LRRC69: variants seen among roughly 807,000 people sequenced by gnomAD.
LRRC69 encodes leucine rich repeat containing 69.
In LRRC69, 42 loss-of-function variants were observed where a neutral mutation model predicts 37.8. That is an observed-to-expected ratio of 1.11 (90% CI 0.87 to 1.44). The LOEUF (loss-of-function observed/expected upper bound fraction) is 1.44. Among genes scored for constraint, LRRC69 ranks in the 40% most tolerant of loss-of-function variants. The probability of loss-of-function intolerance (pLI) is 0.00; values close to 1 mark genes in which losing one functional copy is unlikely to be tolerated. For synonymous variants in LRRC69, 141 were observed against 143.1 expected (o/e 0.99, Z 0.11); for missense variants, 357 against 401.9 (o/e 0.89, Z 0.96).
exon 5 of LRRC69, chr8:91,135,673 T>C (rs1165095150): frequency 4.8e-6 from 7 of 1,465,942 alleles, no homozygotes; most frequent in South Asian, 1.4e-5. Flanking sequence ...CACAGGAACT[T>C]TGTGATCTTA....
intron 7 of LRRC69, among the ~76,000 whole-genome samples, chr8:91,210,096 G>A (rs563068640): frequency 3.3e-5 from 5 of 152,254 alleles, no homozygotes; most frequent in Admixed American, 2.6e-4. Context: ...CTTTGGTGGA[G>A]GCTAAAAGGT....
intron 5 of LRRC69, among the ~76,000 whole-genome samples, chr8:91,147,536 T>G (rs1248669955): frequency 6.6e-6 from 1 of 151,472 alleles, no homozygotes; most frequent in Non-Finnish European, 1.5e-5. Flanking sequence ...TCCTGAGTAG[T>G]TGGGACTGCA....
At chr8:91,137,222 C>T (rs1285528219) in intron 5 of LRRC69, among the ~76,000 whole-genome samples, 1 of 151,984 alleles carries the variant, frequency 6.6e-6, no homozygotes, top group East Asian at 1.9e-4. Flanking sequence ...TATTTACCCT[C>T]TGTGTCTTAA....
At chr8:91,191,852 TTTA>T (rs1161054437) in intron 6 of LRRC69, among the ~76,000 whole-genome samples, 1 of 152,166 alleles carries the variant, frequency 6.6e-6, no homozygotes, top group Non-Finnish European at 1.5e-5. Context: ...TTTTTTTTCT[TTTA>T]TTATTATACT....
chr8:91,121,093 A>G (rs1813611140), intron 1 of LRRC69, among the ~76,000 whole-genome samples: 1 of 151,926 alleles, frequency 6.6e-6, no homozygotes, highest in South Asian at 2.1e-4. Flanking sequence ...TACATCATAC[A>G]ACATTCTGGC....
At chr8:91,106,367 C>G (rs1263957886) in intron 1 of LRRC69, among the ~76,000 whole-genome samples, 2 of 151,986 alleles carry the variant, frequency 1.3e-5, no homozygotes, top group African/African-American at 2.4e-5. Flanking sequence ...ATATTTCCCA[C>G]AGAATGCAAA....
At chr8:91,150,299 T>A (rs1808708876) in intron 5 of LRRC69, among the ~76,000 whole-genome samples, 1 of 152,008 alleles carries the variant, frequency 6.6e-6, no homozygotes. Flanking sequence ...CATGAAGCGT[T>A]GTTGAATTTT....
At chr8:91,123,839 T>C (rs1813671714) in intron 1 of LRRC69, among the ~76,000 whole-genome samples, 1 of 152,044 alleles carries the variant, frequency 6.6e-6, no homozygotes, top group Non-Finnish European at 1.5e-5. Flanking sequence ...AGGAACTTTT[T>C]AACTCCCGTT....
intron 5 of LRRC69, among the ~76,000 whole-genome samples, chr8:91,141,536 C>T (rs1808533457): frequency 6.6e-6 from 1 of 152,086 alleles, no homozygotes; most frequent in South Asian, 2.1e-4. Flanking sequence ...GTTTATATGA[C>T]TTTCCAATTC....
chr8:91,218,240 A>T (rs1810090692), intron 7 of LRRC69, among the ~76,000 whole-genome samples: 1 of 152,178 alleles, frequency 6.6e-6, no homozygotes, highest in African/African-American at 2.4e-5. Context: ...ATTTCAGGAC[A>T]TGATTATAAA....
At chr8:91,167,610 A>G (rs918691920) in intron 5 of LRRC69, among the ~76,000 whole-genome samples, 5 of 152,002 alleles carry the variant, frequency 3.3e-5, no homozygotes, top group African/African-American at 7.2e-5. Context: ...GTTTAACACA[A>G]TCAGCTCCCT....
intron 3 of LRRC69, chr8:91,130,264 TTTTTTGTTTTTG>T (rs893425260): frequency 6.6e-6 from 1 of 151,918 alleles, no homozygotes; most frequent in Non-Finnish European, 1.5e-5. Flanking sequence ...CATTGGTTTG[TTTTTTGTTTTTG>T]TTTTTGTTTT....
At chr8:91,137,989 T>C (rs565776062) in intron 5 of LRRC69, among the ~76,000 whole-genome samples, 3 of 152,032 alleles carry the variant, frequency 2.0e-5, no homozygotes, top group African/African-American at 4.8e-5. Flanking sequence ...ATTTAAAGCA[T>C]TAATTTCCTA....
chr8:91,163,217 C>T (rs1215588074), intron 5 of LRRC69, among the ~76,000 whole-genome samples: 1 of 151,326 alleles, frequency 6.6e-6, no homozygotes, highest in Non-Finnish European at 1.5e-5. Context: ...TGGCACTTAC[C>T]ACTGTAATAA....
At chr8:91,140,090 TC>T (rs1188954056) in intron 5 of LRRC69, among the ~76,000 whole-genome samples, 6 of 63,036 alleles carry the variant, frequency 9.5e-5, no homozygotes, top group African/African-American at 2.0e-4. Context: ...AAACTCCGTC[TC>T]AAAAAAAAAA....
chr8:91,189,639 A>G lies in LRRC69; in HGVS notation c.753+16A>G. On this transcript the variant is annotated intron_variant, in intron 6 of 7. Transcript: ENST00000448384. ...GAGTCTACAGGTGAAGACTTACCTC[A>G]TTAACTTAAGTCTTCAAACTAAAGC... is the stretch of plus-strand genomic sequence containing the variant. 6.8e-7 allele frequency: 1 copy of G among 1,472,706 alleles called. No individual in the cohort carries two copies. The highest frequency in any genetic ancestry group is 2.5e-5 in the East Asian group (1 of 40,520). 91.2% of individuals were successfully genotyped at this position (1,472,706 alleles called of 1,614,324 possible).
At chr8:91,186,832 A>T (rs546444191) in intron 5 of LRRC69, among the ~76,000 whole-genome samples, 1 of 152,104 alleles carries the variant, frequency 6.6e-6, no homozygotes. Context: ...GGGATGGAGG[A>T]TGGAAAGAGA....
chr8:91,107,601 A>G (rs961257649), intron 1 of LRRC69, among the ~76,000 whole-genome samples: 1 of 152,066 alleles, frequency 6.6e-6, no homozygotes, highest in Admixed American at 6.6e-5. Flanking sequence ...AGCTTTAAAT[A>G]CAGTTTAGCT....
At chr8:91,112,555 C>T (rs1813426426) in intron 1 of LRRC69, among the ~76,000 whole-genome samples, 1 of 152,036 alleles carries the variant, frequency 6.6e-6, no homozygotes. Context: ...GATTAAAGCT[C>T]TCAACAAAAT....
Sources: gnomAD v4.1 joint callset for allele counts (sites outside exome capture counted in the v4.1 genomes callset) on GRCh38, gnomAD v4.1.1 for gene constraint, MANE v1.5 for transcripts, NCBI Gene and HGNC (gene_info 2026-07-23, HGNC 2026-07-21) for gene names.